Variants in NOX5 observed in about 807,000 individuals in gnomAD.
NOX5 encodes the protein NADPH oxidase 5, also known as NADPH oxidase, EF-hand calcium binding domain 5.
NOX5 carries 76 observed loss-of-function variants against 85.7 expected under a neutral mutation model. That is an observed-to-expected ratio of 0.89 (90% CI 0.74 to 1.07). The LOEUF is 1.07. Ranked by LOEUF, NOX5 falls within the 50% of genes least tolerant of loss-of-function variation. NOX5 has a pLI of 0.00. For synonymous variants in NOX5, 405 were observed against 401.4 expected, an observed-to-expected ratio of 1.01 and a Z score of -0.11; for missense variants, 973 against 999.5, an observed-to-expected ratio of 0.97 and a Z score of 0.36.
In NOX5 at chr15:69,033,057, T is replaced by G. The variant is rs757380065; in HGVS notation, c.635T>G (p.Leu212Arg). 8 of 1,554,210 alleles carry G rather than the reference T, an allele frequency of 5.1e-6. No individual in the cohort carries two copies. The highest frequency in any genetic ancestry group is 6.9e-6 in the Non-Finnish European group (8 of 1,164,452). The change falls in exon 5 of 16, where the codon CTG becomes CGG. Residue 212 changes from leucine (L) to arginine (R), a missense_variant. Leu to Arg is a moderately radical substitution (Grantham distance 102, BLOSUM62 -2). Coordinates refer to ENST00000388866, the MANE Select transcript of NOX5 (RefSeq NM_024505.4). The part of the protein sequence containing the change: ...ENLTISAAHW[L>R]TAPAPRPRPR... ...CTCTCTCGCAGCGCTGCCCACTGGC[T>G]GACGGCCCCCGCCCCCCGCCCACGC...
Position 69,033,231 on chromosome 15 carries a change from C to A in NOX5, c.809C>A (p.Ala270Asp). ...HRDLGASVMV[A>D]KGCGQCLNFD... ...GACCTCGGCGCCAGCGTCATGGTGGCCAAGGGCTGCGGCCAGTGCCTCAAC... is the reference window on the plus strand; with the variant it reads ...GACCTCGGCGCCAGCGTCATGGTGGACAAGGGCTGCGGCCAGTGCCTCAAC... The change falls in exon 5 of 16, where the codon GCC becomes GAC. Residue 270 changes from alanine to aspartate, a missense_variant. Physicochemically the swap from Ala to Asp is moderately radical, Grantham distance 126. Transcript: ENST00000388866. 2 of 1,598,112 alleles carry A rather than the reference C, an allele frequency of 1.3e-6. No homozygotes were observed. Among genetic ancestry groups the A allele is most frequent in the African/African-American group, 1.3e-5 (1 of 74,914 alleles).
intron 1 of NOX5, 46 bp downstream of exon 1, chr15:69,014,831 A>G (rs1475751530): frequency 1.8e-5 from 25 of 1,386,318 alleles, no homozygotes; most frequent in Non-Finnish European, 2.4e-5. Context: ...GACAAGGGAA[A>G]GGTGGGATTA....
At chr15:69,055,831 C>T (rs2050805641) in intron 15 of NOX5, among the ~76,000 whole-genome samples, 1 of 152,254 alleles carries the variant, frequency 6.6e-6, no homozygotes, top group African/African-American at 2.4e-5. Context: ...ATCTTATCAT[C>T]TCCTGTTACA....
intron 14 of NOX5, 59 bp downstream of exon 14, chr15:69,049,117 TA>T (rs1199123423): frequency 4.6e-6 from 5 of 1,084,398 alleles, no homozygotes; most frequent in Non-Finnish European, 5.3e-6. Context: ...TCAGCTTCTT[TA>T]AAAAAATAAT....
In NOX5 at chr15:69,033,127, C is replaced by T; in HGVS notation, c.705C>T (p.His235=). The T allele has an allele frequency of 6.4e-7, 1 of 1,563,722 alleles. No individual in the cohort carries two copies. Among genetic ancestry groups the T allele is most frequent in the Non-Finnish European group, 8.6e-7 (1 of 1,160,978 alleles). Residue 235 remains histidine (H), a synonymous_variant, in exon 5 of 16, where the codon CAC becomes CAT. Coordinates refer to ENST00000388866, the MANE Select transcript of NOX5 (RefSeq NM_024505.4). The stretch of plus-strand genomic sequence containing the variant: ...TGACCCGCGCCTACTGGCACAACCA[C>T]CGCAGCCAGCTGTTCTGCCTGGCCA... ...RQLTRAYWHN[H]RSQLFCLATY...
rs1339793286 is a variant in NOX5, at chr15:69,047,851, T to G, written c.1839T>G (p.Thr613=). 2 of 1,614,128 alleles carry G rather than the reference T, an allele frequency of 1.2e-6. No homozygotes were observed. Among genetic ancestry groups the G allele is most frequent in the Admixed American group, 3.3e-5 (2 of 60,016 alleles). The change falls in exon 13 of 16, where the codon ACT becomes ACG. Residue 613 remains threonine (T), a synonymous_variant. Coordinates refer to ENST00000388866, the MANE Select transcript of NOX5 (RefSeq NM_024505.4). ...TCAGGCACCAGAAAAGAAAGCATACTTGCCCCAGCTGCCAGCACTCCTGGA... is the reference window on the plus strand; with the variant it reads ...TCAGGCACCAGAAAAGAAAGCATACGTGCCCCAGCTGCCAGCACTCCTGGA... ...IMYRHQKRKH[T]CPSCQHSWIE... is the part of the protein sequence containing the mutation.
intron 11 of NOX5, 169 bp downstream of exon 11, chr15:69,047,035 C>G: frequency 1.5e-6 from 1 of 663,332 alleles, no homozygotes; most frequent in Non-Finnish European, 2.6e-6. Context: ...CCTCCCCCTG[C>G]TCTTTATATC....
chr15:69,027,947 G>C (rs2050378873), intron 2 of NOX5, among the ~76,000 whole-genome samples: 1 of 152,112 alleles, frequency 6.6e-6, no homozygotes, highest in Non-Finnish European at 1.5e-5. Context: ...TTGTATGTAG[G>C]GGACAGAGAG....
At position 69,032,011 on chromosome 15, in the gene NOX5, A is replaced by C. The variant is rs143760301; in HGVS notation, c.620+199A>C. On this transcript the variant is annotated intron_variant, in intron 4 of 15. Transcript: ENST00000388866. ...TTCCTGCAGTGTCTCTGCAGAATCA[A>C]CTCAAGGTCTGAGGCACCTACTGTG... Among the ~76,000 whole-genome samples, 911 of 152,154 alleles carry C rather than the reference A, an allele frequency of 6.0e-3. 13 individuals carry two copies. The highest frequency in any genetic ancestry group is 0.02 in the African/African-American group (834 of 41,506).
chr15:69,017,829 C>T (rs897199531), intron 1 of NOX5, among the ~76,000 whole-genome samples: 1 of 151,836 alleles, frequency 6.6e-6, no homozygotes, highest in African/African-American at 2.4e-5. Context: ...ACATATATAG[C>T]ATAAGACACA....
chr15:69,054,224 T>A (rs887658720), intron 14 of NOX5, among the ~76,000 whole-genome samples: 3 of 152,122 alleles, frequency 2.0e-5, no homozygotes, highest in African/African-American at 7.2e-5. Flanking sequence ...AATGATAACA[T>A]TCATATGTCA....
intron 8 of NOX5, chr15:69,037,934 A>T (rs2050543128): frequency 6.6e-6 from 1 of 152,334 alleles, no homozygotes. Context: ...AGATGGTGGT[A>T]TTAAGCTGTG....
At position 69,060,107 on chromosome 15, in the gene NOX5, A is replaced by G. The variant is rs2050858592; in HGVS notation, c.*3411A>G. The G allele has an allele frequency of 6.6e-6, 1 of 152,302 alleles. No individual in the cohort carries two copies. The highest frequency in any genetic ancestry group is 1.5e-5 in the Non-Finnish European group (1 of 68,064). 9.4% of individuals were successfully genotyped at this position (152,302 alleles called of 1,614,324 possible). On this transcript the variant is annotated 3_prime_UTR_variant, in exon 16 of 16. Coordinates refer to ENST00000388866, the MANE Select transcript of NOX5 (RefSeq NM_024505.4). ...GAACCACTTTGCCAGGTGCCATTGC[A>G]CTGTTCTGTGAGGACAGCGCTGACG...
At position 69,050,871 on chromosome 15, in the gene NOX5, C is replaced by T. The variant is rs61332018; in HGVS notation, c.1999+1813C>T. On this transcript the variant is annotated intron_variant, in intron 14 of 15. Coordinates refer to ENST00000388866, the MANE Select transcript of NOX5 (RefSeq NM_024505.4). ...ACACTTCTGAGGACTCCACCTAATG[C>T]GCTATATACGGCAAAGCCTCTTCGC... Among the ~76,000 whole-genome samples, 3 of 152,278 alleles carry T rather than the reference C, an allele frequency of 2.0e-5. 1 individual carries two copies. The East Asian group carries it at 5.8e-4, about 29-fold the overall frequency.
chr15:69,035,981 T>G (rs762747179), intron 7 of NOX5, 45 bp downstream of exon 7: 9 of 1,606,104 alleles, frequency 5.6e-6, no homozygotes, highest in Non-Finnish European at 7.7e-6. Flanking sequence ...GCCAGGGTCC[T>G]ACTTTCATTT....
At chr15:69,035,079 T>C (rs1458979571) in intron 5 of NOX5, among the ~76,000 whole-genome samples, 1 of 152,116 alleles carries the variant, frequency 6.6e-6, no homozygotes, top group African/African-American at 2.4e-5. Context: ...ATATTAAATA[T>C]TAGTAAAAGC....
intron 4 of NOX5, among the ~76,000 whole-genome samples, chr15:69,032,456 G>T (rs1338798863): frequency 3.3e-5 from 5 of 151,504 alleles, no homozygotes; most frequent in Non-Finnish European, 7.4e-5. Context: ...TGTCGCCCAG[G>T]CTGGGGTGCA....
At position 69,017,405 on chromosome 15, in the gene NOX5, GC is replaced by G. The variant is rs2050244369; in HGVS notation, c.50+2626del. On this transcript the variant is annotated intron_variant, in intron 1 of 15. Transcript: ENST00000388866. ...GACCTCAAGTGATCCATCTGCCTCG[GC>G]CCCCCAAAGTACTGGGATTACAGGC... 2.0e-5 allele frequency among the ~76,000 whole-genome samples: 3 copies of G among 152,176 alleles called. No homozygotes were observed. The South Asian group carries it at 6.2e-4, about 32-fold the overall frequency.
At chr15:69,025,231 A>G (rs530600483) in intron 1 of NOX5, among the ~76,000 whole-genome samples, 1 of 152,300 alleles carries the variant, frequency 6.6e-6, no homozygotes, top group South Asian at 2.1e-4. Flanking sequence ...CATTGAACTC[A>G]TGGCCAACAG....
Sources: allele counts gnomAD v4.1 joint callset (sites outside exome capture counted in the v4.1 genomes callset), GRCh38; gene constraint gnomAD v4.1.1; transcripts MANE v1.5; gene names NCBI Gene and HGNC (gene_info 2026-07-23, HGNC 2026-07-21).